The following FOXP2 variants were observed in gnomAD, a reference collection of about 807,000 sequenced individuals.
The protein encoded by FOXP2 is forkhead box P2.
Under a neutral mutation model 115.8 loss-of-function variants are expected in FOXP2, and 12 were observed. The observed-to-expected ratio is 0.10, with a 90% CI of 0.07 to 0.17. The LOEUF is 0.17. FOXP2 is among the 10% of genes least tolerant of loss of function. The pLI, the probability that FOXP2 is intolerant of heterozygous loss-of-function variation, is 1.00. For missense variants in FOXP2, 629 were observed against 843.5 expected, an observed-to-expected ratio of 0.75 and a Z score of 3.15; for synonymous variants, 328 against 297.7, an observed-to-expected ratio of 1.10 and a Z score of -1.05.
intron 3 of FOXP2, among the ~76,000 whole-genome samples, chr7:114,604,505 T>C (rs550127020): frequency 6.6e-6 from 1 of 152,320 alleles, no homozygotes; most frequent in South Asian, 2.1e-4. Flanking sequence ...CATTCAAATA[T>C]TTTTACAGTT....
At chr7:114,462,366 C>CTTTTT (rs1170387045) in intron 2 of FOXP2, among the ~76,000 whole-genome samples, 18 of 89,296 alleles carry the variant, frequency 2.0e-4, no homozygotes, top group South Asian at 5.0e-4. Context: ...AGCATAATAT[C>CTTTTT]TTTTTTTTTT....
chr7:114,238,216 C>T (rs1795060592), intron 1 of FOXP2, among the ~76,000 whole-genome samples: 1 of 152,062 alleles, frequency 6.6e-6, no homozygotes. Context: ...CTGGTGTATT[C>T]TATTCCCAAG....
intron 3 of FOXP2, 44 bp downstream of exon 3, chr7:114,534,750 G>A (rs1799297949): frequency 6.7e-7 from 1 of 1,491,664 alleles, no homozygotes; most frequent in South Asian, 1.1e-5. Context: ...TTTAAAAGAT[G>A]TTCATAATGA....
upstream of FOXP2, among the ~76,000 whole-genome samples, chr7:114,162,060 G>A (rs1355236109): frequency 2.0e-5 from 3 of 152,106 alleles, no homozygotes; most frequent in East Asian, 5.8e-4. Flanking sequence ...TGGGATTACA[G>A]GCGTGAGTCA....
chr7:114,568,601 A>G (rs1438724639), intron 3 of FOXP2, among the ~76,000 whole-genome samples: 1 of 151,914 alleles, frequency 6.6e-6, no homozygotes, highest in African/African-American at 2.4e-5. Flanking sequence ...AATGGGGAAC[A>G]TTCTCACGGT....
At chr7:114,574,995 G>T (rs146416154) in intron 3 of FOXP2, among the ~76,000 whole-genome samples, 1 of 152,004 alleles carries the variant, frequency 6.6e-6, no homozygotes, top group African/African-American at 2.4e-5. Context: ...TAATGGGGAT[G>T]CTGGGTTGGA....
intron 2 of FOXP2, among the ~76,000 whole-genome samples, chr7:114,391,826 T>C (rs952029011): frequency 3.3e-5 from 5 of 152,172 alleles, no homozygotes; most frequent in Admixed American, 6.6e-5. Context: ...TCAGAATGTA[T>C]GAATGGGATT....
In FOXP2 at chr7:114,196,301, C is replaced by T. The variant is rs117902009; in HGVS notation, c.-102+33213C>T. On this transcript the variant is annotated intron_variant, in intron 1 of 17. Coordinates refer to the FOXP2 transcript ENST00000634411. Reference sequence around the variant, plus strand: ...CTGTGATTATAGGCATGAGCCACCACGCCCAGCCTAAAAATTTTAAAAGGA... The same window carrying T: ...CTGTGATTATAGGCATGAGCCACCATGCCCAGCCTAAAAATTTTAAAAGGA... 2.8e-3 allele frequency among the ~76,000 whole-genome samples: 427 copies of T among 152,254 alleles called. 2 individuals are homozygous for T. The highest frequency in any genetic ancestry group is 0.027 in the East Asian group (140 of 5,182).
At position 114,654,173 on chromosome 7, in the gene FOXP2, A is replaced by G. The variant is rs1318387862; in HGVS notation, c.1266+164A>G. The stretch of plus-strand genomic sequence containing the variant: ...TTGTCAAATTGTATGTTTCTTTTAA[A>G]GTAATGCTATCTTTTACAAAATCTA... On this transcript the variant is annotated intron_variant, in intron 10 of 16. Coordinates refer to ENST00000350908, the MANE Select transcript of FOXP2 (RefSeq NM_014491.4). 2.3e-5 allele frequency: 34 copies of G among 1,480,262 alleles called. No individual in the cohort carries two copies. The Admixed American group carries it at 7.0e-4, about 30-fold the overall frequency. The allele number at this position is 1,480,262 out of a possible 1,614,324, so 91.7% of individuals were successfully genotyped here.
chr7:114,122,485 T>C (rs920858495), intron 1 of FOXP2, among the ~76,000 whole-genome samples: 1 of 151,606 alleles, frequency 6.6e-6, no homozygotes, highest in Non-Finnish European at 1.5e-5. Context: ...CTGCGTAGGA[T>C]AGATACTGTA....
chr7:114,542,436 C>A (rs780513914), intron 3 of FOXP2, among the ~76,000 whole-genome samples: 2 of 152,130 alleles, frequency 1.3e-5, no homozygotes, highest in African/African-American at 2.4e-5. Context: ...TAGGAAAGCA[C>A]TTCTCCACTT....
At chr7:114,160,325 A>G (rs1792795116), upstream of FOXP2, among the ~76,000 whole-genome samples, 1 of 152,082 alleles carries the variant, frequency 6.6e-6, no homozygotes, top group Non-Finnish European at 1.5e-5. Flanking sequence ...TGAGGCCTTC[A>G]TTTTGGGATA....
At chr7:114,108,904 A>G (rs1171204506) in intron 1 of FOXP2, among the ~76,000 whole-genome samples, 4 of 151,982 alleles carry the variant, frequency 2.6e-5, no homozygotes, top group Admixed American at 2.6e-4. Context: ...ATATCTAGCA[A>G]TATTTGTCTG....
At chr7:114,356,638 T>C (rs546181016) in intron 2 of FOXP2, among the ~76,000 whole-genome samples, 3 of 152,304 alleles carry the variant, frequency 2.0e-5, no homozygotes, top group East Asian at 3.9e-4. Flanking sequence ...GAATACCACA[T>C]GTTCTTGAAG....
intron 1 of FOXP2, among the ~76,000 whole-genome samples, chr7:114,235,562 TGTCTTAGTACACTG>T (rs1794988549): frequency 6.6e-6 from 1 of 152,238 alleles, no homozygotes; most frequent in African/African-American, 2.4e-5. Flanking sequence ...TGTAGTATAT[TGTCTTAGTACACTG>T]AATTTCTATT....
intron 3 of FOXP2, among the ~76,000 whole-genome samples, chr7:114,562,607 C>T (rs1269057015): frequency 1.3e-5 from 2 of 152,172 alleles, no homozygotes; most frequent in East Asian, 1.9e-4. Context: ...CCCCTTTCCA[C>T]CTCTTCCAGA....
chr7:114,407,994 T>C (rs1793074923), intron 2 of FOXP2, among the ~76,000 whole-genome samples: 4 of 152,314 alleles, frequency 2.6e-5, no homozygotes, highest in South Asian at 4.1e-4. Context: ...ATTTTAATTA[T>C]CAAGTGTAAT....
intron 1 of FOXP2, among the ~76,000 whole-genome samples, chr7:114,107,478 G>C (rs1459771328): frequency 6.6e-6 from 1 of 151,944 alleles, no homozygotes; most frequent in Non-Finnish European, 1.5e-5. Context: ...CACTAAGGAA[G>C]AGCATTTTAA....
intron 1 of FOXP2, among the ~76,000 whole-genome samples, chr7:114,269,987 A>G (rs1795995018): frequency 6.6e-6 from 1 of 152,200 alleles, no homozygotes; most frequent in South Asian, 2.1e-4. Flanking sequence ...ACATTCATCC[A>G]GAAATTCTCG....
Sources: gnomAD v4.1 joint callset for allele counts (sites outside exome capture counted in the v4.1 genomes callset) on GRCh38, gnomAD v4.1.1 for gene constraint, MANE v1.5 for transcripts, NCBI Gene and HGNC (gene_info 2026-07-23, HGNC 2026-07-21) for gene names.